Variants in CADPS2 observed in about 807,000 individuals in gnomAD.
The protein encoded by CADPS2 is calcium-dependent secretion activator 2.
In CADPS2, 93 loss-of-function variants were observed where a neutral mutation model predicts 172.5. That is an observed-to-expected ratio of 0.54 (90% CI 0.46 to 0.64). CADPS2 has a LOEUF of 0.64. Among genes scored for constraint, CADPS2 ranks in the 30% least tolerant of loss-of-function variants. The probability of loss-of-function intolerance (pLI) is 0.00; values close to 1 mark genes in which losing one functional copy is unlikely to be tolerated. For missense variants in CADPS2, 1,420 were observed against 1,565.9 expected (o/e 0.91, Z 1.57); for synonymous variants, 546 against 555.2 (o/e 0.98, Z 0.23).
rs543576118 is a variant in CADPS2 at position 122,677,109 on chromosome 7, C to G, written c.454-13540G>C. On this transcript the variant is annotated intron_variant, in intron 2 of 29. Transcript: ENST00000449022. The stretch of plus-strand genomic sequence containing the variant: ...AAACCAAAATGCCAGGCAATATGAT[C>G]AGGTGTCATAAGCAAGGGTTTGCTT... Among the ~76,000 whole-genome samples the G allele has an allele frequency of 1.6e-4, 24 of 152,306 alleles. No individual in the cohort carries two copies. In the South Asian group the frequency reaches 5.0e-3, roughly 32 times the overall value.
chr7:122,507,671 G>A (rs1029668559), intron 9 of CADPS2, among the ~76,000 whole-genome samples: 3 of 152,132 alleles, frequency 2.0e-5, no homozygotes, highest in Admixed American at 2.0e-4. Flanking sequence ...TGTGAGTTAT[G>A]CTTTAAATAG....
intron 9 of CADPS2, among the ~76,000 whole-genome samples, chr7:122,511,857 G>C (rs74440070): frequency 0.031 from 4,757 of 152,152 alleles, 230 homozygotes; most frequent in African/African-American, 0.11. Flanking sequence ...AAATTGCTTA[G>C]GAAACACATT....
intron 3 of CADPS2, among the ~76,000 whole-genome samples, chr7:122,645,425 GTGTATATATGTATATATACACACACATA>G (rs2078315953): frequency 3.0e-5 from 3 of 98,966 alleles, no homozygotes; most frequent in Non-Finnish European, 4.6e-5. Flanking sequence ...ATGTATATGT[GTGTATATATGTATATATACACACACATA>G]TGTATATATG....
At chr7:122,481,871 T>C (rs1278232272) in intron 11 of CADPS2, among the ~76,000 whole-genome samples, 2 of 151,790 alleles carry the variant, frequency 1.3e-5, no homozygotes, top group Non-Finnish European at 2.9e-5. Context: ...ATTAGGTGGG[T>C]GTGGTGGCAC....
intron 8 of CADPS2, 113 bp from the exon 9 acceptor site, chr7:122,513,428 A>C (rs970060667): frequency 1.3e-6 from 1 of 778,820 alleles, no homozygotes; most frequent in African/African-American, 1.8e-5. Flanking sequence ...CTAAAGGCAA[A>C]GTTTAGCTCA....
intron 1 of CADPS2, among the ~76,000 whole-genome samples, chr7:122,797,482 T>C (rs904254610): frequency 1.3e-5 from 2 of 152,008 alleles, no homozygotes; most frequent in African/African-American, 4.8e-5. Context: ...ATAGAGAAAA[T>C]GTGGTACATA....
chr7:122,457,983 T>G (rs2053992576), intron 14 of CADPS2, among the ~76,000 whole-genome samples: 1 of 152,212 alleles, frequency 6.6e-6, no homozygotes. Context: ...CAGGTAAGTT[T>G]GTCCTGGAAA....
At chr7:122,761,690 A>G (rs77509582) in intron 1 of CADPS2, among the ~76,000 whole-genome samples, 1 of 151,886 alleles carries the variant, frequency 6.6e-6, no homozygotes, top group Non-Finnish European at 1.5e-5. Flanking sequence ...ACAAAAAAAA[A>G]GCTCTTGAAA....
intron 7 of CADPS2, among the ~76,000 whole-genome samples, chr7:122,560,943 C>A (rs186076718): frequency 1.3e-5 from 2 of 151,966 alleles, no homozygotes; most frequent in South Asian, 4.1e-4. Flanking sequence ...ATATCAGAAC[C>A]CTTATAGTAT....
At chr7:122,530,493 A>G (rs2061666512) in intron 8 of CADPS2, among the ~76,000 whole-genome samples, 1 of 152,144 alleles carries the variant, frequency 6.6e-6, no homozygotes, top group Non-Finnish European at 1.5e-5. Context: ...TTTTATCACC[A>G]TCATTTTCCT....
At chr7:122,853,436 G>C (rs1312616515) in intron 1 of CADPS2, among the ~76,000 whole-genome samples, 2 of 152,174 alleles carry the variant, frequency 1.3e-5, no homozygotes, top group Non-Finnish European at 2.9e-5. Context: ...TCCCTTGTTG[G>C]CTCTGATAAC....
At chr7:122,614,802 A>G (rs1038617358) in intron 6 of CADPS2, among the ~76,000 whole-genome samples, 7 of 152,220 alleles carry the variant, frequency 4.6e-5, no homozygotes, top group African/African-American at 1.7e-4. Context: ...ACCAAAAACT[A>G]TAACAGACAA....
At chr7:122,749,179 G>A (rs536824978) in intron 1 of CADPS2, among the ~76,000 whole-genome samples, 2 of 152,042 alleles carry the variant, frequency 1.3e-5, no homozygotes, top group Non-Finnish European at 2.9e-5. Flanking sequence ...TTTCTCCCAC[G>A]TATCACTGAA....
At chr7:122,825,988 G>A (rs1169941772) in intron 1 of CADPS2, among the ~76,000 whole-genome samples, 1 of 152,192 alleles carries the variant, frequency 6.6e-6, no homozygotes, top group Admixed American at 6.5e-5. Context: ...CAACTATGGT[G>A]CACACTGGGT....
intron 3 of CADPS2, among the ~76,000 whole-genome samples, chr7:122,634,934 G>A (rs1289979908): frequency 6.6e-6 from 1 of 152,072 alleles, no homozygotes; most frequent in Admixed American, 6.6e-5. Context: ...GGAGAAAATT[G>A]TTTAATTTCC....
chr7:122,584,721 C>T lies in CADPS2; in HGVS notation c.1224-3431G>A, dbSNP rs527244881. Among the ~76,000 whole-genome samples, 248 of 152,132 alleles carry T rather than the reference C, an allele frequency of 1.6e-3. 3 individuals carry two copies. Among genetic ancestry groups the T allele is most frequent in the African/African-American group, 5.7e-3 (236 of 41,552 alleles). The stretch of plus-strand genomic sequence containing the variant: ...TTTGCTTTAAACACTTTAACTACAG[C>T]ACCCCATAAATTTAGAAAGTGCTAT... On this transcript the variant is annotated intron_variant, in intron 6 of 29. Transcript: ENST00000449022.
At chr7:122,442,023 C>T (rs2051421457) in intron 15 of CADPS2, among the ~76,000 whole-genome samples, 1 of 152,200 alleles carries the variant, frequency 6.6e-6, no homozygotes, top group Non-Finnish European at 1.5e-5. Context: ...CCTTTGCTGA[C>T]ATTTGCCTGT....
Position 122,393,189 on chromosome 7 carries a change from T to C in CADPS2, c.3008+7A>G, listed in dbSNP as rs2044612026. The C allele has an allele frequency of 6.2e-7, 1 of 1,613,022 alleles. No individual in the cohort carries two copies. The highest frequency in any genetic ancestry group is 8.5e-7 in the Non-Finnish European group (1 of 1,179,576). On this transcript the variant is annotated splice_region_variant and intron_variant, in intron 22 of 29. Coordinates refer to ENST00000449022, the MANE Select transcript of CADPS2 (RefSeq NM_017954.11). ...ACACCACCAGGAAATAAGTGAGGAA[T>C]ACACACGTGGACTCATATAAAGAAG...
chr7:122,730,860 AAAT>A (rs1354330898), intron 2 of CADPS2, among the ~76,000 whole-genome samples: 23 of 151,830 alleles, frequency 1.5e-4, no homozygotes, highest in Admixed American at 2.6e-4. Context: ...AGTGTTCTTA[AAAT>A]AATATCACAG....
Sources: gnomAD v4.1 joint callset for allele counts (sites outside exome capture counted in the v4.1 genomes callset) on GRCh38, gnomAD v4.1.1 for gene constraint, MANE v1.5 for transcripts, NCBI Gene and HGNC (gene_info 2026-07-23, HGNC 2026-07-21) for gene names.